LATS2: variants seen among roughly 807,000 people sequenced by gnomAD.
LATS2 encodes the protein large tumor suppressor kinase 2.
Under a neutral mutation model 76.0 loss-of-function variants are expected in LATS2, and 24 were observed. The observed-to-expected ratio is 0.32, with a 90% confidence interval of 0.23 to 0.44. The LOEUF is 0.44. Among genes scored for constraint, LATS2 ranks in the 20% least tolerant of loss-of-function variants. LATS2 has a pLI of 1.00. For missense variants in LATS2, 1,286 were observed against 1,481.2 expected, an observed-to-expected ratio of 0.87 and a Z score of 2.16; for synonymous variants, 692 against 635.4, an observed-to-expected ratio of 1.09 and a Z score of -1.34.
intron 2 of LATS2, among the ~76,000 whole-genome samples, chr13:21,027,979 T>C (rs946271482): frequency 2.0e-5 from 3 of 152,156 alleles, no homozygotes; most frequent in Non-Finnish European, 4.4e-5. Context: ...GTGCACAATG[T>C]GCCGGTTAGT....
Position 20,988,789 on chromosome 13 carries a change from G to C in LATS2, c.991C>G (p.Leu331Val), listed in dbSNP as rs780251206. Residue 331 changes from leucine (L) to valine (V), a missense_variant, in exon 4 of 8, where the codon CTG (leucine) becomes GTG (valine). Physicochemically the swap from Leu to Val is conservative, Grantham distance 32 (BLOSUM62 1). Coordinates refer to ENST00000382592, the MANE Select transcript of LATS2 (RefSeq NM_014572.3). ...GCGAACACCTGGCTGCGGGAGCCCAGCACATGCAGCTGGTGGGCCGCGGGA... is the reference window on the plus strand; with the variant it reads ...GCGAACACCTGGCTGCGGGAGCCCACCACATGCAGCTGGTGGGCCGCGGGA... ...AGPAAHQLHV[L>V]GSRSQVFASD... The C allele has an allele frequency of 8.2e-6, 13 of 1,593,544 alleles. 1 individual carries two copies. In the Admixed American group the frequency reaches 2.0e-4, roughly 25 times the overall value.
chr13:21,022,108 A>G lies in LATS2; in HGVS notation c.342+23577T>C, dbSNP rs182137888. Among the ~76,000 whole-genome samples the G allele has an allele frequency of 5.9e-5, 9 of 152,290 alleles. No individual in the cohort carries two copies. In the East Asian group the frequency reaches 1.5e-3, roughly 26 times the overall value. On this transcript the variant is annotated intron_variant, in intron 2 of 7. Transcript: ENST00000382592. ...TGTGGAGGAGCTCTGAAAAATACCA[A>G]TGCCCAGAATCCACCCTGGACCAAT... is the stretch of plus-strand genomic sequence containing the variant.
At chr13:20,985,340 A>G (rs1870094346) in intron 4 of LATS2, among the ~76,000 whole-genome samples, 1 of 152,260 alleles carries the variant, frequency 6.6e-6, no homozygotes, top group African/African-American at 2.4e-5. Flanking sequence ...TGTGTTGAAC[A>G]GGAGAAAATA....
chr13:21,014,924 G>A (rs1369392735), intron 2 of LATS2, among the ~76,000 whole-genome samples: 1 of 152,206 alleles, frequency 6.6e-6, no homozygotes, highest in Non-Finnish European at 1.5e-5. Context: ...TTTGAAAGGA[G>A]GTACTGACAG....
intron 2 of LATS2, among the ~76,000 whole-genome samples, chr13:20,996,529 C>A (rs673314): frequency 2.6e-5 from 4 of 151,852 alleles, no homozygotes; most frequent in African/African-American, 9.7e-5. Context: ...ATGCATGAAC[C>A]ACCACCATAC....
At chr13:21,028,352 C>T (rs1020925432) in intron 2 of LATS2, among the ~76,000 whole-genome samples, 2 of 152,078 alleles carry the variant, frequency 1.3e-5, no homozygotes, top group East Asian at 1.9e-4. Context: ...GGGTTGGTTC[C>T]AAGTCTTTGC....
chr13:21,040,382 A>G (rs907858133), intron 2 of LATS2, among the ~76,000 whole-genome samples: 6 of 151,766 alleles, frequency 4.0e-5, no homozygotes, highest in Non-Finnish European at 8.8e-5. Flanking sequence ...GTCTCAAAAA[A>G]AAAAAAAAAG....
chr13:21,054,788 T>C (rs971658399), intron 1 of LATS2, among the ~76,000 whole-genome samples: 1 of 152,186 alleles, frequency 6.6e-6, no homozygotes, highest in Non-Finnish European at 1.5e-5. Flanking sequence ...CCCTCAACAT[T>C]TGCTTATGAA....
At chr13:21,024,722 A>T (rs1368062221) in intron 2 of LATS2, among the ~76,000 whole-genome samples, 1 of 151,576 alleles carries the variant, frequency 6.6e-6, no homozygotes, top group East Asian at 1.9e-4. Flanking sequence ...ATGTTAAAAG[A>T]TGTATATTTC....
At chr13:21,054,232 GA>G (rs1873374331) in intron 1 of LATS2, among the ~76,000 whole-genome samples, 1 of 152,088 alleles carries the variant, frequency 6.6e-6, no homozygotes. Flanking sequence ...AGGAAGGCAG[GA>G]AGATCACTTG....
intron 4 of LATS2, among the ~76,000 whole-genome samples, chr13:20,987,355 TTAAA>T (rs778075235): frequency 2.6e-5 from 4 of 152,228 alleles, no homozygotes; most frequent in Admixed American, 1.3e-4. Context: ...ACATTTTAAT[TTAAA>T]TAGTTTCATC....
At chr13:21,011,032 T>A (rs1194673334) in intron 2 of LATS2, among the ~76,000 whole-genome samples, 1 of 152,266 alleles carries the variant, frequency 6.6e-6, no homozygotes, top group African/African-American at 2.4e-5. Flanking sequence ...AAAGTCTTTT[T>A]AAATTCCTTT....
chr13:21,025,745 G>A (rs1428533021), intron 2 of LATS2, among the ~76,000 whole-genome samples: 3 of 152,170 alleles, frequency 2.0e-5, no homozygotes, highest in Admixed American at 1.3e-4. Context: ...TACATGGTGA[G>A]GTCTCCTGTC....
Position 20,988,469 on chromosome 13 carries a change from G to A in LATS2, c.1311C>T (p.Ala437=), listed in dbSNP as rs1217185575. The change falls in exon 4 of 8, where the codon GCC becomes GCT. Residue 437 remains alanine, a synonymous_variant. Coordinates refer to ENST00000382592, the MANE Select transcript of LATS2 (RefSeq NM_014572.3). ...PAPNTVTAVT[A]AHILHPVKSV... Reference sequence around the variant, plus strand: ...TCTTCACCGGGTGCAAGATGTGCGCGGCCGTGACAGCCGTCACGGTGTTGG... The same window carrying A: ...TCTTCACCGGGTGCAAGATGTGCGCAGCCGTGACAGCCGTCACGGTGTTGG... 4 of 1,537,652 alleles carry A rather than the reference G, an allele frequency of 2.6e-6. No homozygotes were observed. The highest frequency in any genetic ancestry group is 1.4e-5 in the African/African-American group (1 of 73,066).
chr13:21,023,637 G>T (rs1423166188), intron 2 of LATS2, among the ~76,000 whole-genome samples: 1 of 105,990 alleles, frequency 9.4e-6, no homozygotes, highest in Non-Finnish European at 1.7e-5. Flanking sequence ...CATTTTCTAT[G>T]ACTGGCTTTA....
At chr13:21,035,530 G>A (rs192483377) in intron 2 of LATS2, among the ~76,000 whole-genome samples, 5 of 152,164 alleles carry the variant, frequency 3.3e-5, no homozygotes, top group Admixed American at 3.3e-4. Context: ...GCAAAATTGG[G>A]GTTCCAGGCA....
At chr13:20,992,818 A>T (rs1245878392) in intron 2 of LATS2, among the ~76,000 whole-genome samples, 1 of 151,952 alleles carries the variant, frequency 6.6e-6, no homozygotes, top group Non-Finnish European at 1.5e-5. Flanking sequence ...AGGTGGATCA[A>T]GAGGTCAAGA....
At chr13:21,014,052 GAAAC>G (rs1033214310) in intron 2 of LATS2, among the ~76,000 whole-genome samples, 14 of 151,160 alleles carry the variant, frequency 9.3e-5, no homozygotes, top group African/African-American at 1.9e-4. Flanking sequence ...GAAGGAGAGA[GAAAC>G]AAAGAGAGGG....
chr13:20,981,491 G>A lies in LATS2; in HGVS notation c.2640C>T (p.Ile880=), dbSNP rs142105650. Residue 880 remains isoleucine, a synonymous_variant, in exon 6 of 8, where the codon ATC becomes ATT. Coordinates refer to ENST00000382592, the MANE Select transcript of LATS2 (RefSeq NM_014572.3). The part of the protein sequence containing the change: ...AHSLVGTPNY[I]APEVLLRKGY... ...CTTTGCGGAGGAGCACCTCGGGTGC[G>A]ATGTAGTTTGGAGTCCCCACCAGTG... is the stretch of plus-strand genomic sequence containing the variant. 6.6e-5 allele frequency: 107 copies of A among 1,613,910 alleles called. No individual in the cohort carries two copies. Among genetic ancestry groups the A allele is most frequent in the Admixed American group, 8.3e-5 (5 of 59,994 alleles).
Sources: allele counts gnomAD v4.1 joint callset (sites outside exome capture counted in the v4.1 genomes callset), GRCh38; gene constraint gnomAD v4.1.1; transcripts MANE v1.5; gene names NCBI Gene and HGNC (gene_info 2026-07-23, HGNC 2026-07-21).